Variants in ZSCAN32 observed in about 807,000 individuals in gnomAD.
ZSCAN32 encodes zinc finger and SCAN domain containing 32, also known as zinc finger and SCAN domain-containing protein 32.
A neutral mutation model predicts 47.4 loss-of-function variants in ZSCAN32; 52 were observed. The ratio of observed to expected loss-of-function variants is 1.10; its 90% confidence interval spans 0.88 to 1.38. ZSCAN32 has a LOEUF of 1.38. ZSCAN32 is among the 40% of genes most tolerant of loss of function. The pLI, the probability that ZSCAN32 is intolerant of heterozygous loss-of-function variation, is 0.00. For missense variants in ZSCAN32, 959 were observed against 846.0 expected, an observed-to-expected ratio of 1.13 and a Z score of -1.66; for synonymous variants, 346 against 305.7, an observed-to-expected ratio of 1.13 and a Z score of -1.38.
chr16:3,390,540 T>G, intron 3 of ZSCAN32, 23 bp from the exon 4 acceptor site: 1 of 1,540,324 alleles, frequency 6.5e-7, no homozygotes, highest in Non-Finnish European at 8.8e-7. Context: ...ACAGCCGCTA[T>G]TAGAGGGCGG....
chr16:3,383,324 C>A lies in ZSCAN32; in HGVS notation c.1622G>T (p.Arg541Ile). The A allele has an allele frequency of 6.2e-7, 1 of 1,614,160 alleles. No individual in the cohort carries two copies. The highest frequency in any genetic ancestry group is 8.5e-7 in the Non-Finnish European group (1 of 1,180,034). ...GTGAGGCTTCTCGCCTGTGTGGATT[C>A]TTTGATGCCGAACAAGATAAGAACT... The part of the protein sequence containing the change: ...SRSSYLVRHQ[R>I]IHTGEKPHKC... Residue 541 changes from arginine (R) to isoleucine (I), a missense_variant, in exon 7 of 7, where the codon AGA (arginine) becomes ATA (isoleucine). Coordinates refer to ENST00000396852, the MANE Select transcript of ZSCAN32 (RefSeq NM_001284527.2).
At chr16:3,390,649 GC>G in intron 3 of ZSCAN32, 132 bp from the exon 4 acceptor site, 2 of 695,502 alleles carry the variant, frequency 2.9e-6, no homozygotes, top group Non-Finnish European at 2.4e-6. Flanking sequence ...AAATTCTGGG[GC>G]CCCACCTCAG....
intron 1 of ZSCAN32, 71 bp from the exon 2 acceptor site, chr16:3,397,815 CCT>C: frequency 3.0e-5 from 12 of 397,208 alleles, no homozygotes; most frequent in South Asian, 1.6e-4. Context: ...TGATTTACTT[CCT>C]ATCCCTTTCC....
chr16:3,383,389 T>G lies in ZSCAN32; in HGVS notation c.1557A>C (p.Lys519Asn), dbSNP rs1289078313. The G allele has an allele frequency of 1.2e-6, 2 of 1,614,188 alleles. No individual in the cohort carries two copies. Among genetic ancestry groups the G allele is most frequent in the African/African-American group, 1.3e-5 (1 of 75,054 alleles). Residue 519 changes from lysine to asparagine, a missense_variant, in exon 7 of 7, where the codon AAA becomes AAC. Transcript: ENST00000396852. ...SPHKPALKLE[K>N]VSQCPECGKT... The stretch of plus-strand genomic sequence containing the variant: ...TCCCACATTCAGGACATTGAGATAC[T>G]TTTTCCAGTTTGAGCGCTGGCTTGT...
At chr16:3,384,239 G>A (rs1273949134) in intron 6 of ZSCAN32, 1 of 623,764 alleles carries the variant, frequency 1.6e-6, no homozygotes, top group Non-Finnish European at 2.8e-6. Context: ...GGGAAAAGAT[G>A]ACATGAACTT....
At chr16:3,396,750 T>G (rs2033399943) in intron 2 of ZSCAN32, among the ~76,000 whole-genome samples, 1 of 152,200 alleles carries the variant, frequency 6.6e-6, no homozygotes, top group African/African-American at 2.4e-5. Context: ...AACTGAACAC[T>G]TAATCCCGGC....
intron 1 of ZSCAN32, 107 bp from the exon 2 acceptor site, chr16:3,397,851 C>A (rs1238641950): frequency 5.0e-5 from 14 of 279,218 alleles, no homozygotes; most frequent in Non-Finnish European, 8.1e-5. Context: ...CAAATCTACA[C>A]CAAGGATCCA....
chr16:3,394,197 C>T (rs564245913), intron 2 of ZSCAN32, among the ~76,000 whole-genome samples: 61 of 152,044 alleles, frequency 4.0e-4, no homozygotes, highest in African/African-American at 1.1e-3. Context: ...ACCCAGGAGG[C>T]GGAGGTTGCA....
rs533284835 is a variant in ZSCAN32, at chr16:3,386,960, T to C, written c.752-2019A>G. Among the ~76,000 whole-genome samples, 6 of 146,750 alleles carry C rather than the reference T, an allele frequency of 4.1e-5. No homozygotes were observed. The East Asian group carries it at 1.0e-3, about 25-fold the overall frequency. ...GTATAAAAAAAAAAAAAAAAAAAGT[T>C]ACATCCTGGTTTCTCAAACCGTGCC... On this transcript the variant is annotated intron_variant, in intron 5 of 6. Coordinates refer to ENST00000396852, the MANE Select transcript of ZSCAN32 (RefSeq NM_001284527.2).
Position 3,397,216 on chromosome 16 carries a change from A to C in ZSCAN32, c.342T>G (p.Asp114Glu). The C allele has an allele frequency of 6.5e-7, 1 of 1,550,184 alleles. No individual in the cohort carries two copies. Among genetic ancestry groups the C allele is most frequent in the Non-Finnish European group, 8.7e-7 (1 of 1,146,990 alleles). ...NGEEAVALVE[D>E]VQRAPGQQVL... Reference sequence around the variant, plus strand: ...CCTGTTGTCCAGGAGCTCTCTGTACATCCTCAACCAGAGCCACAGCTTCCT... The same window carrying C: ...CCTGTTGTCCAGGAGCTCTCTGTACCTCCTCAACCAGAGCCACAGCTTCCT... Residue 114 changes from aspartate (D) to glutamate (E), a missense_variant, in exon 2 of 7, where the codon GAT becomes GAG. By Grantham distance (45) the Asp-to-Glu change is conservative (BLOSUM62 2). Coordinates refer to ENST00000396852, the MANE Select transcript of ZSCAN32 (RefSeq NM_001284527.2).
intron 5 of ZSCAN32, among the ~76,000 whole-genome samples, chr16:3,387,545 G>A (rs1427922167): frequency 1.3e-5 from 2 of 152,220 alleles, no homozygotes; most frequent in East Asian, 3.9e-4. Context: ...GGACCGATTT[G>A]ACTAGAGCTG....
intron 4 of ZSCAN32, 28 bp from the exon 5 acceptor site, chr16:3,390,161 C>A (rs373598484): frequency 6.3e-7 from 1 of 1,577,468 alleles, no homozygotes; most frequent in South Asian, 1.2e-5. Context: ...CTGCTGCTAC[C>A]GATAAAATAG....
chr16:3,390,519 T>G lies in ZSCAN32; in HGVS notation c.533-2A>C, dbSNP rs555985380. ...TGGGAGCCTGAGGAGCAAGCCAGGC[T>G]GGGGGAAAAAACAGCCGCTATTAGA... On this transcript the variant is annotated splice_acceptor_variant, in intron 3 of 6. Transcript: ENST00000396852. LOFTEE classifies it high-confidence loss of function. 2.6e-6 allele frequency: 4 copies of G among 1,548,298 alleles called. No homozygotes were observed. The South Asian group carries it at 4.8e-5, about 18-fold the overall frequency.
chr16:3,393,441 G>T (rs182848714), intron 3 of ZSCAN32, among the ~76,000 whole-genome samples: 70 of 148,898 alleles, frequency 4.7e-4, no homozygotes, highest in East Asian at 1.8e-3. Flanking sequence ...AGCAAGACTG[G>T]TCTCGAACTC....
Position 3,382,335 on chromosome 16 carries a change from T to A in ZSCAN32, c.*517A>T, listed in dbSNP as rs1401988870. The A allele has an allele frequency of 6.6e-6, 1 of 152,476 alleles. No individual in the cohort carries two copies. The highest frequency in any genetic ancestry group is 1.9e-4 in the East Asian group (1 of 5,200). 9.4% of individuals were successfully genotyped at this position (152,476 alleles called of 1,614,324 possible). On this transcript the variant is annotated 3_prime_UTR_variant, in exon 7 of 7. Coordinates refer to ENST00000396852, the MANE Select transcript of ZSCAN32 (RefSeq NM_001284527.2). ...GTATTATCCAATGGCTTAACCATCC[T>A]TCCTTCTTTCTGTTTGCTTTTTGGT...
Position 3,383,704 on chromosome 16 carries a change from C to T in ZSCAN32, c.1242G>A (p.Glu414=), listed in dbSNP as rs1209498489. 1 of 1,567,600 alleles carries T rather than the reference C, an allele frequency of 6.4e-7. No homozygotes were observed. Among genetic ancestry groups the T allele is most frequent in the Admixed American group, 2.0e-5 (1 of 49,820 alleles). ...TTTCTTTTTTAATCTCGTTCTTGAA[C>T]TCAAAACCTGAAAAAAAAAAACCCC... ...PVLFPNRLGF[E]FKNEIKKENL... is the part of the protein sequence containing the mutation. Residue 414 remains glutamate (E), a synonymous_variant, in exon 7 of 7, where the codon GAG becomes GAA. Coordinates refer to ENST00000396852, the MANE Select transcript of ZSCAN32 (RefSeq NM_001284527.2).
chr16:3,388,853 C>T (rs975087695), intron 5 of ZSCAN32, among the ~76,000 whole-genome samples: 3 of 151,800 alleles, frequency 2.0e-5, no homozygotes, highest in East Asian at 1.9e-4. Flanking sequence ...AGGGGAAGGA[C>T]GGGGAGAAAC....
chr16:3,385,742 T>G (rs1469492712), intron 5 of ZSCAN32, among the ~76,000 whole-genome samples: 4 of 152,236 alleles, frequency 2.6e-5, no homozygotes, highest in Non-Finnish European at 1.5e-5. Flanking sequence ...GCTAGCCATA[T>G]GTAGAAAGCT....
Position 3,382,748 on chromosome 16 carries a change from A to G in ZSCAN32, c.*104T>C, listed in dbSNP as rs2031365474. 1 of 1,491,020 alleles carries G rather than the reference A, an allele frequency of 6.7e-7. No homozygotes were observed. The highest frequency in any genetic ancestry group is 2.3e-5 in the Admixed American group (1 of 43,018). 92.4% of individuals were successfully genotyped at this position (1,491,020 alleles called of 1,614,324 possible). A position where few individuals can be genotyped will look rare whatever the true frequency, so the allele number is the denominator to read the frequency against. On this transcript the variant is annotated 3_prime_UTR_variant, in exon 7 of 7. Transcript: ENST00000396852. Reference sequence around the variant, plus strand: ...ACATGGGTCTTAAGATCCAGTAGTCAGTAGGTCTGTTGCAAAGTCAGGGAC... The same window carrying G: ...ACATGGGTCTTAAGATCCAGTAGTCGGTAGGTCTGTTGCAAAGTCAGGGAC...
Sources: allele counts gnomAD v4.1 joint callset (sites outside exome capture counted in the v4.1 genomes callset), GRCh38; gene constraint gnomAD v4.1.1; transcripts MANE v1.5; gene names NCBI Gene and HGNC (gene_info 2026-07-23, HGNC 2026-07-21).